ERC2: variants seen among roughly 807,000 people sequenced by gnomAD.
The protein encoded by ERC2 is ELKS/RAB6-interacting/CAST family member 2.
ERC2 carries 42 observed loss-of-function variants against 114.8 expected under a neutral mutation model. The observed-to-expected ratio is 0.37, with a 90% confidence interval of 0.29 to 0.47. The LOEUF (loss-of-function observed/expected upper bound fraction) is 0.47. Ranked by LOEUF, ERC2 falls within the 20% of genes least tolerant of loss-of-function variation. The pLI, the probability that ERC2 is intolerant of heterozygous loss-of-function variation, is 0.99. For synonymous variants in ERC2, 454 were observed against 425.5 expected (o/e 1.07, Z -0.82); for missense variants, 939 against 1,150.7 (o/e 0.82, Z 2.66).
At chr3:56,122,056 G>A (rs2079609235) in intron 6 of ERC2, among the ~76,000 whole-genome samples, 1 of 152,188 alleles carries the variant, frequency 6.6e-6, no homozygotes, top group Non-Finnish European at 1.5e-5. Context: ...AGGTCACATA[G>A]TAACATAGTC....
chr3:56,267,741 T>C (rs574688352), intron 3 of ERC2, among the ~76,000 whole-genome samples: 4 of 152,220 alleles, frequency 2.6e-5, no homozygotes, highest in Admixed American at 2.6e-4. Flanking sequence ...ATCTTGCCAC[T>C]GCACTCCAGC....
chr3:55,572,787 T>A (rs2056787417), intron 17 of ERC2, among the ~76,000 whole-genome samples: 1 of 152,212 alleles, frequency 6.6e-6, no homozygotes, highest in East Asian at 1.9e-4. Context: ...AAGCCTTAGC[T>A]GGTGACCTCT....
intron 4 of ERC2, 130 bp from the exon 5 acceptor site, chr3:56,149,262 ATT>A: frequency 1.2e-6 from 1 of 817,132 alleles, no homozygotes; most frequent in Non-Finnish European, 1.8e-6. Flanking sequence ...ACAGCCCTGA[ATT>A]TAGGACAACT....
At chr3:55,671,426 A>ATT in intron 17 of ERC2, among the ~76,000 whole-genome samples, 1 of 152,182 alleles carries the variant, frequency 6.6e-6, no homozygotes, top group African/African-American at 2.4e-5. Flanking sequence ...CTATCTGGAC[A>ATT]TTGCAAAGTT....
chr3:55,689,489 T>C (rs772735219), intron 16 of ERC2, among the ~76,000 whole-genome samples: 27 of 152,110 alleles, frequency 1.8e-4, no homozygotes, highest in African/African-American at 6.0e-4. Context: ...CATTGCCAGA[T>C]AACCATAAAA....
At chr3:56,404,776 T>G (rs1344442779) in intron 2 of ERC2, among the ~76,000 whole-genome samples, 1 of 151,704 alleles carries the variant, frequency 6.6e-6, no homozygotes, top group African/African-American at 2.4e-5. Context: ...GGTCTAATAA[T>G]CCAGTGGAAA....
intron 5 of ERC2, among the ~76,000 whole-genome samples, chr3:56,144,837 T>C (rs2081054154): frequency 1.3e-5 from 2 of 152,054 alleles, no homozygotes; most frequent in South Asian, 4.1e-4. Context: ...AAGGGGAACA[T>C]AGTTACAGGG....
At chr3:56,406,748 AAGAG>A (rs2060742336) in intron 2 of ERC2, among the ~76,000 whole-genome samples, 1 of 152,242 alleles carries the variant, frequency 6.6e-6, no homozygotes, top group African/African-American at 2.4e-5. Flanking sequence ...GTTTATAGGA[AAGAG>A]AGAGGGAAAA....
intron 7 of ERC2, among the ~76,000 whole-genome samples, chr3:56,075,362 C>A (rs540661001): frequency 5.3e-5 from 8 of 152,232 alleles, no homozygotes; most frequent in Non-Finnish European, 1.2e-4. Context: ...AGACAGCTGA[C>A]CAGACACTCC....
At chr3:55,564,917 C>T (rs1324058773) in intron 17 of ERC2, among the ~76,000 whole-genome samples, 2 of 152,204 alleles carry the variant, frequency 1.3e-5, no homozygotes, top group South Asian at 2.1e-4. Context: ...ATATGTTCTC[C>T]GTGGCAGTAC....
At chr3:56,343,368 T>C (rs1364603220) in intron 2 of ERC2, among the ~76,000 whole-genome samples, 1 of 151,978 alleles carries the variant, frequency 6.6e-6, no homozygotes, top group Non-Finnish European at 1.5e-5. Context: ...ACTTAATCGA[T>C]AATTATCAAA....
chr3:55,608,206 C>T (rs1287857283), intron 17 of ERC2, among the ~76,000 whole-genome samples: 1 of 152,168 alleles, frequency 6.6e-6, no homozygotes, highest in Admixed American at 6.5e-5. Context: ...CTACAAACAA[C>T]ATCCTTGACT....
chr3:55,520,680 CT>C (rs1167820733), intron 17 of ERC2, among the ~76,000 whole-genome samples: 2 of 152,188 alleles, frequency 1.3e-5, no homozygotes, highest in African/African-American at 4.8e-5. Context: ...CTCCCAGGGC[CT>C]TGGAAAAGTC....
chr3:56,302,910 T>C (rs1323400589), intron 2 of ERC2, among the ~76,000 whole-genome samples: 1 of 152,182 alleles, frequency 6.6e-6, no homozygotes, highest in African/African-American at 2.4e-5. Flanking sequence ...TGATCCAATC[T>C]CATGCCTGGG....
chr3:56,048,704 C>T (rs2075609031), intron 7 of ERC2, among the ~76,000 whole-genome samples: 2 of 152,168 alleles, frequency 1.3e-5, no homozygotes, highest in South Asian at 4.1e-4. Context: ...TTTAATTCCT[C>T]CTGTATGCCA....
At chr3:55,698,692 C>G (rs535640965) in intron 16 of ERC2, among the ~76,000 whole-genome samples, 35 of 152,250 alleles carry the variant, frequency 2.3e-4, no homozygotes, top group Middle Eastern at 3.4e-3. Flanking sequence ...ACTATATTAT[C>G]CTGCTAGTTT....
chr3:56,245,365 T>C (rs902779707), intron 3 of ERC2, among the ~76,000 whole-genome samples: 15 of 152,084 alleles, frequency 9.9e-5, no homozygotes, highest in Non-Finnish European at 1.6e-4. Context: ...TTTTGGGAAA[T>C]ACAGAAGGGG....
At chr3:55,538,764 T>C (rs2054170128) in intron 17 of ERC2, among the ~76,000 whole-genome samples, 1 of 152,208 alleles carries the variant, frequency 6.6e-6, no homozygotes, top group African/African-American at 2.4e-5. Flanking sequence ...CGATTGTTTC[T>C]TTTCCACCCG....
chr3:55,534,794 G>C (rs1287071729), intron 17 of ERC2, among the ~76,000 whole-genome samples: 1 of 152,126 alleles, frequency 6.6e-6, no homozygotes, highest in East Asian at 1.9e-4. Flanking sequence ...CTTTTCTTGG[G>C]GTCAAGCTGC....
Sources: allele counts gnomAD v4.1 joint callset (sites outside exome capture counted in the v4.1 genomes callset), GRCh38; gene constraint gnomAD v4.1.1; transcripts MANE v1.5; gene names NCBI Gene and HGNC (gene_info 2026-07-23, HGNC 2026-07-21).